RTL4: variants seen among roughly 807,000 people sequenced by gnomAD.
RTL4 encodes the protein retrotransposon Gag like 4.
A neutral mutation model predicts 5.3 loss-of-function variants in RTL4; 4 were observed. The ratio of observed to expected loss-of-function variants is 0.75; its 90% CI spans 0.37 to 1.72. The LOEUF is 1.72. Among genes scored for constraint, RTL4 ranks in the 40% most tolerant of loss-of-function variants. The pLI, the probability that RTL4 is intolerant of heterozygous loss-of-function variation, is 0.04. For synonymous variants in RTL4, 98 were observed against 87.3 expected (o/e 1.12, Z -0.68); for missense variants, 260 against 227.1 (o/e 1.14, Z -0.93).
At chrX:112,213,277 G>T in the RTL4 span, among the ~76,000 whole-genome samples, 3 of 112,578 alleles carry the variant, frequency 2.7e-5, no homozygotes, top group South Asian at 3.7e-4. Flanking sequence ...TTTCTTCTTT[G>T]GTAAAATAAG....
the RTL4 span, among the ~76,000 whole-genome samples, chrX:112,417,577 T>G: frequency 1.8e-5 from 2 of 111,656 alleles, no homozygotes; most frequent in Admixed American, 1.9e-4. Context: ...TCTGGCTTAT[T>G]TTAAAAGGCA....
the RTL4 span, among the ~76,000 whole-genome samples, chrX:112,197,599 G>A: frequency 9.0e-6 from 1 of 111,583 alleles, no homozygotes; most frequent in Admixed American, 9.5e-5. Context: ...GAGAGACAAA[G>A]CTTTTGGAGG....
At chrX:112,136,089 C>T in the RTL4 span, among the ~76,000 whole-genome samples, 1 of 110,049 alleles carries the variant, frequency 9.1e-6, no homozygotes, top group Non-Finnish European at 1.9e-5. Flanking sequence ...CTTTTTGATA[C>T]TATTGTAAAT....
the RTL4 span, among the ~76,000 whole-genome samples, chrX:112,184,933 A>G: frequency 1.6e-3 from 183 of 111,575 alleles, no homozygotes; most frequent in Non-Finnish European, 2.9e-3. Flanking sequence ...TCCCAGGTTT[A>G]TTATCCAAAC....
At chrX:112,419,595 T>TTTACATATGTATATGTAAATATATATATA in the RTL4 span, among the ~76,000 whole-genome samples, 1 of 28,157 alleles carries the variant, frequency 3.6e-5, no homozygotes, top group African/African-American at 7.2e-5. Context: ...ATATATATAT[T>TTTACATATGTATATGTAAATATATATATA]TTTACATATG....
At chrX:112,257,188 G>C in the RTL4 span, among the ~76,000 whole-genome samples, 1 of 111,332 alleles carries the variant, frequency 9.0e-6, no homozygotes, top group Non-Finnish European at 1.9e-5. Flanking sequence ...TCCTGAAAGG[G>C]TGTAGATTTT....
the RTL4 span, among the ~76,000 whole-genome samples, chrX:112,141,273 C>T: frequency 1.8e-5 from 2 of 111,710 alleles, no homozygotes; most frequent in Non-Finnish European, 3.8e-5. Flanking sequence ...TATCTTCAAC[C>T]TTACTAAGCC....
the RTL4 span, among the ~76,000 whole-genome samples, chrX:112,447,654 C>T: frequency 8.9e-6 from 1 of 111,958 alleles, no homozygotes; most frequent in Non-Finnish European, 1.9e-5. Context: ...GCCTATATCA[C>T]ATTTTATTAA....
the RTL4 span, among the ~76,000 whole-genome samples, chrX:112,354,923 A>G: frequency 9.0e-6 from 1 of 111,352 alleles, no homozygotes; most frequent in Admixed American, 9.6e-5. Context: ...AATAACTACT[A>G]CTACTACCAG....
the RTL4 span, among the ~76,000 whole-genome samples, chrX:112,251,652 G>C: frequency 1.8e-5 from 2 of 110,929 alleles, no homozygotes; most frequent in African/African-American, 6.6e-5. Flanking sequence ...GTGTGTGTGA[G>C]CATGCATGTG....
the RTL4 span, among the ~76,000 whole-genome samples, chrX:112,387,233 A>G: frequency 7.4e-5 from 8 of 108,568 alleles, no homozygotes; most frequent in East Asian, 2.3e-3. Flanking sequence ...TAGATTCTGG[A>G]TATTAGTGCT....
At chrX:112,147,245 G>A in the RTL4 span, among the ~76,000 whole-genome samples, 1 of 110,821 alleles carries the variant, frequency 9.0e-6, no homozygotes, top group African/African-American at 3.3e-5. Context: ...ACTGTTTCAA[G>A]CTTGAGTGTA....
At chrX:112,124,436 A>G in the RTL4 span, among the ~76,000 whole-genome samples, 2 of 111,907 alleles carry the variant, frequency 1.8e-5, no homozygotes, top group African/African-American at 6.5e-5. Flanking sequence ...CCCATCAATG[A>G]TAGACTGGAT....
chrX:112,312,741 T>C, the RTL4 span, among the ~76,000 whole-genome samples: 6 of 110,999 alleles, frequency 5.4e-5, no homozygotes, highest in African/African-American at 1.6e-4. Context: ...CTCCAAAATC[T>C]CATTTCAATT....
At chrX:112,129,423 A>G in the RTL4 span, among the ~76,000 whole-genome samples, 1 of 112,365 alleles carries the variant, frequency 8.9e-6, no homozygotes, top group Admixed American at 9.4e-5. Flanking sequence ...ATTATGCATA[A>G]CATCCAACAT....
At chrX:112,223,556 A>G in the RTL4 span, among the ~76,000 whole-genome samples, 1 of 112,028 alleles carries the variant, frequency 8.9e-6, no homozygotes, top group South Asian at 3.7e-4. Context: ...CTAGGTCACT[A>G]AGGAGGCCAC....
At chrX:112,205,353 C>T in the RTL4 span, among the ~76,000 whole-genome samples, 1 of 110,738 alleles carries the variant, frequency 9.0e-6, no homozygotes, top group African/African-American at 3.3e-5. Context: ...CATTGATGAC[C>T]TCTTAGGTCA....
chrX:112,222,709 G>A, the RTL4 span, among the ~76,000 whole-genome samples: 1 of 110,688 alleles, frequency 9.0e-6, no homozygotes, highest in Non-Finnish European at 1.9e-5. Context: ...CTCCAGCCTG[G>A]AAAACAGAGC....
chrX:112,386,856 C>G, the RTL4 span, among the ~76,000 whole-genome samples: 4 of 111,421 alleles, frequency 3.6e-5, no homozygotes, highest in African/African-American at 1.3e-4. Flanking sequence ...ACTTATTTTC[C>G]TGTGGGTAGA....
Sources: gnomAD v4.1 joint callset for allele counts (sites outside exome capture counted in the v4.1 genomes callset) on GRCh38, gnomAD v4.1.1 for gene constraint, MANE v1.5 for transcripts, NCBI Gene and HGNC (gene_info 2026-07-23, HGNC 2026-07-21) for gene names.